SND1: variants seen among roughly 807,000 people sequenced by gnomAD.
SND1 encodes the protein staphylococcal nuclease and tudor domain containing 1, also known as staphylococcal nuclease domain-containing protein 1.
Under a neutral mutation model 121.7 loss-of-function variants are expected in SND1, and 38 were observed. The observed-to-expected ratio is 0.31, with a 90% CI of 0.24 to 0.41. SND1 has a LOEUF of 0.41. SND1 is among the 10% of genes least tolerant of loss of function. The pLI, the probability that SND1 is intolerant of heterozygous loss-of-function variation, is 1.00. For missense variants in SND1, 868 were observed against 1,184.6 expected, an observed-to-expected ratio of 0.73 and a Z score of 3.92; for synonymous variants, 401 against 447.4, an observed-to-expected ratio of 0.90 and a Z score of 1.31.
chr7:127,908,765 GTGTTCTTTATCTCAGGTTTCTCAGC>G (rs1323514092), intron 14 of SND1, among the ~76,000 whole-genome samples: 1 of 152,174 alleles, frequency 6.6e-6, no homozygotes, highest in Non-Finnish European at 1.5e-5. Context: ...ATGTGTGTCA[GTGTTCTTTATCTCAGGTTTCTCAGC>G]TGTTCTTTAT....
intron 15 of SND1, among the ~76,000 whole-genome samples, chr7:127,971,035 C>G (rs1801974031): frequency 6.6e-6 from 1 of 152,162 alleles, no homozygotes; most frequent in Non-Finnish European, 1.5e-5. Flanking sequence ...CTTTACAGGA[C>G]CACAAAAGCA....
intron 15 of SND1, among the ~76,000 whole-genome samples, chr7:127,943,977 GCGTTCCCT>G (rs1359165989): frequency 6.6e-6 from 1 of 152,188 alleles, no homozygotes; most frequent in Non-Finnish European, 1.5e-5. Context: ...TGGCTCGACT[GCGTTCCCT>G]CAGCTGCCAA....
chr7:127,904,957 G>A lies in SND1; in HGVS notation c.1527+138G>A, dbSNP rs552844738. The A allele has an allele frequency of 4.6e-5, 28 of 608,034 alleles. 1 individual carries two copies. The highest frequency in any genetic ancestry group is 3.1e-4 in the East Asian group (11 of 35,998). 37.7% of individuals were successfully genotyped at this position (608,034 alleles called of 1,614,324 possible). ...ACTGACTGTGACTTTTCCCCACCCCGGGGCATCTACTTAGGTATCTATAGG... is the reference window on the plus strand; with the variant it reads ...ACTGACTGTGACTTTTCCCCACCCCAGGGCATCTACTTAGGTATCTATAGG... On this transcript the variant is annotated intron_variant, in intron 14 of 23. Transcript: ENST00000354725.
intron 16 of SND1, chr7:127,997,365 CT>C (rs999076617): frequency 1.2e-5 from 3 of 256,810 alleles, no homozygotes; most frequent in Non-Finnish European, 2.3e-5. Flanking sequence ...AGTCAGTCTT[CT>C]ATAGGGCATG....
intron 12 of SND1, among the ~76,000 whole-genome samples, chr7:127,887,178 T>A (rs1034109997): frequency 6.6e-6 from 1 of 152,002 alleles, no homozygotes; most frequent in Non-Finnish European, 1.5e-5. Context: ...ATTTTTATTA[T>A]GGAGATGGGG....
intron 12 of SND1, among the ~76,000 whole-genome samples, chr7:127,875,246 C>T (rs1209409545): frequency 6.6e-6 from 1 of 152,090 alleles, no homozygotes; most frequent in Admixed American, 6.6e-5. Flanking sequence ...AATCAGCTAG[C>T]CAATAAATAT....
At chr7:127,685,995 A>G (rs1034367796) in intron 1 of SND1, 1 of 154,236 alleles carries the variant, frequency 6.5e-6, no homozygotes, top group Non-Finnish European at 1.4e-5. Context: ...GGTTCAAGCG[A>G]TTCTCCTGCC....
intron 10 of SND1, among the ~76,000 whole-genome samples, chr7:127,789,731 G>C (rs1325297080): frequency 6.6e-6 from 1 of 152,188 alleles, no homozygotes; most frequent in Non-Finnish European, 1.5e-5. Flanking sequence ...TGATTCATTT[G>C]CTGAGGTAGA....
At chr7:127,875,488 G>A (rs1799671752) in intron 12 of SND1, among the ~76,000 whole-genome samples, 1 of 152,136 alleles carries the variant, frequency 6.6e-6, no homozygotes, top group African/African-American at 2.4e-5. Context: ...TAATGGAATA[G>A]GGTCAGAGGT....
intron 10 of SND1, among the ~76,000 whole-genome samples, chr7:127,768,280 C>T (rs1797454809): frequency 6.6e-6 from 1 of 152,094 alleles, no homozygotes; most frequent in Non-Finnish European, 1.5e-5. Context: ...CTCAAAGGTC[C>T]TTATACTTTT....
chr7:127,866,843 G>C (rs956647763), intron 12 of SND1, among the ~76,000 whole-genome samples: 3 of 152,064 alleles, frequency 2.0e-5, no homozygotes, highest in Non-Finnish European at 4.4e-5. Flanking sequence ...TTAACTTCTT[G>C]TTCTCTCAGC....
intron 14 of SND1, among the ~76,000 whole-genome samples, chr7:127,908,810 A>G (rs1245884482): frequency 6.6e-6 from 1 of 152,010 alleles, no homozygotes; most frequent in Non-Finnish European, 1.5e-5. Context: ...TCTTAGGTTT[A>G]TTATTGTTTT....
intron 1 of SND1, among the ~76,000 whole-genome samples, chr7:127,669,893 C>T (rs1795484368): frequency 6.6e-6 from 1 of 152,046 alleles, no homozygotes; most frequent in South Asian, 2.1e-4. Context: ...TGCAGATTAA[C>T]ATAGAGAATT....
At chr7:128,028,547 CTGTT>C (rs1304683503) in intron 16 of SND1, 1 of 780,154 alleles carries the variant, frequency 1.3e-6, no homozygotes, top group Non-Finnish European at 1.9e-6. Context: ...TTAATATAAT[CTGTT>C]TTTTTTAACC....
intron 12 of SND1, among the ~76,000 whole-genome samples, chr7:127,863,626 A>G (rs1354465074): frequency 3.9e-5 from 6 of 152,190 alleles, no homozygotes; most frequent in Non-Finnish European, 7.3e-5. Context: ...AGATACAGTA[A>G]TTATTCCTGT....
intron 3 of SND1, among the ~76,000 whole-genome samples, chr7:127,698,549 T>C (rs1166414830): frequency 6.6e-6 from 1 of 152,170 alleles, no homozygotes; most frequent in East Asian, 1.9e-4. Context: ...CACCACTTTA[T>C]ACTCTCTTGA....
intron 1 of SND1, 29 bp from the exon 2 acceptor site, chr7:127,686,584 T>C: frequency 6.2e-7 from 1 of 1,606,940 alleles, no homozygotes; most frequent in Non-Finnish European, 8.5e-7. Flanking sequence ...CTCTGGACCA[T>C]TCATTTTCTC....
chr7:127,747,967 C>T (rs1434593322), intron 10 of SND1, among the ~76,000 whole-genome samples: 2 of 152,164 alleles, frequency 1.3e-5, no homozygotes, highest in Non-Finnish European at 2.9e-5. Flanking sequence ...GTTCCCCCTT[C>T]CCACCCCTTT....
chr7:127,814,502 G>C (rs192425862), intron 11 of SND1, among the ~76,000 whole-genome samples: 3 of 152,144 alleles, frequency 2.0e-5, no homozygotes, highest in Admixed American at 2.0e-4. Flanking sequence ...ATGCAGATGT[G>C]CTCATTTGGA....
Sources: allele counts gnomAD v4.1 joint callset (sites outside exome capture counted in the v4.1 genomes callset), GRCh38; gene constraint gnomAD v4.1.1; transcripts MANE v1.5; gene names NCBI Gene and HGNC (gene_info 2026-07-23, HGNC 2026-07-21).